EPYC: variants seen among roughly 807,000 people sequenced by gnomAD.
EPYC encodes dermatan sulfate proteoglycan 3.
EPYC carries 28 observed loss-of-function variants against 30.1 expected under a neutral mutation model. That is an observed-to-expected ratio of 0.93 (90% CI 0.69 to 1.28). The LOEUF (loss-of-function observed/expected upper bound fraction) is 1.28, where lower values mean the gene tolerates loss of function less well. EPYC is among the 50% of genes most tolerant of loss of function. EPYC has a pLI of 0.00. For missense variants in EPYC, 382 were observed against 383.5 expected (o/e 1.00, Z 0.03); for synonymous variants, 144 against 141.4 (o/e 1.02, Z -0.13).
chr12:90,971,298 G>A (rs1408684349), intron 5 of EPYC, among the ~76,000 whole-genome samples: 14 of 152,108 alleles, frequency 9.2e-5, no homozygotes. Flanking sequence ...CAATGTACCA[G>A]AATATGGTGT....
chr12:90,998,326 C>T (rs1877742923), intron 2 of EPYC, among the ~76,000 whole-genome samples: 2 of 151,994 alleles, frequency 1.3e-5, no homozygotes, highest in Non-Finnish European at 2.9e-5. Flanking sequence ...TATGTCACAC[C>T]AATAAATGTA....
intron 1 of EPYC, 142 bp from the exon 2 acceptor site, chr12:91,002,720 C>T: frequency 1.6e-6 from 1 of 622,572 alleles, no homozygotes; most frequent in East Asian, 3.0e-5. Context: ...ATAAACATAA[C>T]ACACAAAATC....
intron 1 of EPYC, among the ~76,000 whole-genome samples, chr12:91,004,234 TTTTCTCACATCA>T (rs1371876879): frequency 6.6e-6 from 1 of 152,136 alleles, no homozygotes; most frequent in African/African-American, 2.4e-5. Flanking sequence ...TGCTGGCCTT[TTTTCTCACATCA>T]TACTATATTT....
chr12:91,002,211 A>AAAAAAAAG (rs1555216339), intron 2 of EPYC, among the ~76,000 whole-genome samples, 190 bp downstream of exon 2: 12 of 140,262 alleles, frequency 8.6e-5, no homozygotes, highest in Non-Finnish European at 1.9e-4. Context: ...AAAAAAAAAA[A>AAAAAAAAG]GGGCAAAAGA....
chr12:90,999,121 T>G (rs115511088), intron 2 of EPYC, among the ~76,000 whole-genome samples: 3,807 of 152,162 alleles, frequency 0.025, 166 homozygotes, highest in African/African-American at 0.086. Flanking sequence ...TTTTAGGTGG[T>G]CTCCCTTTCT....
At chr12:91,002,343 C>T (rs1565877484) in intron 2 of EPYC, 58 bp downstream of exon 2, 1 of 1,487,032 alleles carries the variant, frequency 6.7e-7, no homozygotes, top group Non-Finnish European at 9.1e-7. Flanking sequence ...GGAAAACAGA[C>T]CCAAGTCATT....
chr12:90,998,581 C>G (rs1216702467), intron 2 of EPYC, among the ~76,000 whole-genome samples: 1 of 152,082 alleles, frequency 6.6e-6, no homozygotes, highest in African/African-American at 2.4e-5. Context: ...GATTCTTCCC[C>G]TGGGTTTTGG....
intron 2 of EPYC, among the ~76,000 whole-genome samples, chr12:90,981,067 G>A (rs922752855): frequency 6.6e-6 from 1 of 152,034 alleles, no homozygotes; most frequent in Non-Finnish European, 1.5e-5. Flanking sequence ...CTTATATCAT[G>A]GTAGCCTTTG....
intron 2 of EPYC, among the ~76,000 whole-genome samples, chr12:90,999,589 T>C (rs1461742506): frequency 6.6e-6 from 1 of 152,116 alleles, no homozygotes; most frequent in Non-Finnish European, 1.5e-5. Flanking sequence ...ACGTTAGTAG[T>C]ATTTAGTCAG....
intron 3 of EPYC, among the ~76,000 whole-genome samples, chr12:90,975,441 A>T (rs1877158022): frequency 6.6e-6 from 1 of 152,014 alleles, no homozygotes; most frequent in Admixed American, 6.6e-5. Flanking sequence ...TAATATTCTA[A>T]ATATTTCTAA....
At chr12:90,973,327 C>T (rs1329608979) in intron 3 of EPYC, among the ~76,000 whole-genome samples, 2 of 151,972 alleles carry the variant, frequency 1.3e-5, no homozygotes, top group Non-Finnish European at 2.9e-5. Context: ...AAACATTTCA[C>T]TAAAACAACA....
chr12:90,998,183 A>G (rs1877739179), intron 2 of EPYC, among the ~76,000 whole-genome samples: 1 of 152,210 alleles, frequency 6.6e-6, no homozygotes, highest in Middle Eastern at 3.4e-3. Flanking sequence ...CTAGCACATA[A>G]TAAATGCTCA....
chr12:90,974,458 A>G (rs1335990917), intron 3 of EPYC, among the ~76,000 whole-genome samples: 4 of 152,114 alleles, frequency 2.6e-5, no homozygotes, highest in African/African-American at 9.7e-5. Flanking sequence ...GATGAGACAT[A>G]GTGATATCTA....
chr12:90,972,681 A>G (rs1307538574), intron 4 of EPYC, 141 bp downstream of exon 4: 1 of 765,748 alleles, frequency 1.3e-6, no homozygotes, highest in Non-Finnish European at 2.0e-6. Context: ...CAAACTCTCA[A>G]ATTTTTAAAT....
Position 90,964,121 on chromosome 12 carries a change from A to G in EPYC, c.*35T>C. On this transcript the variant is annotated 3_prime_UTR_variant, in exon 7 of 7. Transcript: ENST00000261172. ...AGAGAGCAGTAAGAATGGTTTATTT[A>G]TAGTAGCCATCGTAATGCTAACCAT... 1.3e-6 allele frequency: 2 copies of G among 1,578,654 alleles called. No individual in the cohort carries two copies. The highest frequency in any genetic ancestry group is 1.7e-6 in the Non-Finnish European group (2 of 1,154,010).
chr12:91,003,655 T>C (rs1328035643), intron 1 of EPYC, among the ~76,000 whole-genome samples: 2 of 152,092 alleles, frequency 1.3e-5, no homozygotes, highest in East Asian at 1.9e-4. Flanking sequence ...TGATCCCTTA[T>C]TGAGCAGGCA....
intron 2 of EPYC, among the ~76,000 whole-genome samples, chr12:91,002,013 C>T (rs1227878029): frequency 6.6e-6 from 1 of 151,572 alleles, no homozygotes; most frequent in Non-Finnish European, 1.5e-5. Flanking sequence ...ATGGTGAAAT[C>T]CCATCTCTAC....
chr12:90,997,690 T>G (rs576292957), intron 2 of EPYC, among the ~76,000 whole-genome samples: 1 of 152,156 alleles, frequency 6.6e-6, no homozygotes, highest in African/African-American at 2.4e-5. Flanking sequence ...GTGATAAACA[T>G]AAAATTATAG....
chr12:90,997,070 T>C (rs980217136), intron 2 of EPYC, among the ~76,000 whole-genome samples: 1 of 151,872 alleles, frequency 6.6e-6, no homozygotes, highest in African/African-American at 2.4e-5. Flanking sequence ...TAAGCAACTG[T>C]TTTTAGAAGT....
Sources: gnomAD v4.1 joint callset for allele counts (sites outside exome capture counted in the v4.1 genomes callset) on GRCh38, gnomAD v4.1.1 for gene constraint, MANE v1.5 for transcripts, NCBI Gene and HGNC (gene_info 2026-07-23, HGNC 2026-07-21) for gene names.